Variants in ZNF420 observed in about 807,000 individuals in gnomAD.
ZNF420 encodes ATM and p53-associated KZNF protein.
In ZNF420, 31 loss-of-function variants were observed where a neutral mutation model predicts 44.7. The observed-to-expected ratio is 0.69, with a 90% confidence interval of 0.52 to 0.94. The LOEUF (loss-of-function observed/expected upper bound fraction) is 0.94. Ranked by LOEUF, ZNF420 falls within the 40% of genes least tolerant of loss-of-function variation. The probability of loss-of-function intolerance (pLI) is 0.00; values close to 1 mark genes in which losing one functional copy is unlikely to be tolerated. For missense variants in ZNF420, 681 were observed against 827.9 expected, an observed-to-expected ratio of 0.82 and a Z score of 2.18; for synonymous variants, 245 against 267.4, an observed-to-expected ratio of 0.92 and a Z score of 0.82.
upstream of ZNF420, among the ~76,000 whole-genome samples, chr19:37,074,564 T>G (rs1050388238): frequency 1.3e-5 from 2 of 152,192 alleles, no homozygotes; most frequent in African/African-American, 4.8e-5. Flanking sequence ...AGGATGGATA[T>G]TTTAAATACA....
rs564612540 is a variant in ZNF420 at position 37,056,566 on chromosome 19, G to A, written c.-124-23779G>A. ...CTTTGGGAAGCAGGACAGGCCACTG[G>A]TCCTCCAAGGGAGGAGGGAGGCAGA... On this transcript the variant is annotated intron_variant, in intron 1 of 4. Transcript: ENST00000587029. Among the ~76,000 whole-genome samples, 5 of 152,290 alleles carry A rather than the reference G, an allele frequency of 3.3e-5. No homozygotes were observed. In the East Asian group the frequency reaches 9.7e-4, roughly 30 times the overall value.
At chr19:37,064,295 T>C (rs983891119) in intron 1 of ZNF420, among the ~76,000 whole-genome samples, 4 of 152,232 alleles carry the variant, frequency 2.6e-5, no homozygotes, top group African/African-American at 9.6e-5. Context: ...TTTCAATTTA[T>C]TAATTTATGT....
intron 1 of ZNF420, among the ~76,000 whole-genome samples, chr19:37,013,314 C>T (rs1456252799): frequency 1.3e-5 from 2 of 152,316 alleles, no homozygotes; most frequent in Non-Finnish European, 2.9e-5. Flanking sequence ...GCCTGTCGGC[C>T]TTGCCAATGT....
At chr19:37,061,138 C>T (rs1967872667) in intron 1 of ZNF420, among the ~76,000 whole-genome samples, 2 of 152,176 alleles carry the variant, frequency 1.3e-5, no homozygotes, top group South Asian at 4.1e-4. Context: ...GTTTCGCCAT[C>T]GCCCCGTATG....
At chr19:37,115,538 G>A (rs184898130) in intron 4 of ZNF420, among the ~76,000 whole-genome samples, 79 of 152,014 alleles carry the variant, frequency 5.2e-4, no homozygotes, top group African/African-American at 1.7e-3. Context: ...CAAACATCTC[G>A]GTGCATTAAA....
intron 1 of ZNF420, among the ~76,000 whole-genome samples, chr19:37,018,915 TC>T (rs2074626795): frequency 6.6e-6 from 1 of 152,256 alleles, no homozygotes; most frequent in South Asian, 2.1e-4. Flanking sequence ...TTAAAATGGA[TC>T]CATAAACTAA....
chr19:37,035,560 AG>A (rs1967339808), intron 1 of ZNF420, among the ~76,000 whole-genome samples: 1 of 152,146 alleles, frequency 6.6e-6, no homozygotes, highest in Non-Finnish European at 1.5e-5. Context: ...TTTCATAACA[AG>A]ATGAAAACAA....
At chr19:37,107,208 C>T (rs1283773828) in intron 4 of ZNF420, 1 of 152,054 alleles carries the variant, frequency 6.6e-6, no homozygotes, top group Non-Finnish European at 1.5e-5. Context: ...GGGGGACAGT[C>T]AGGTCTTACC....
intron 1 of ZNF420, among the ~76,000 whole-genome samples, chr19:37,061,493 G>A (rs759151488): frequency 2.6e-5 from 4 of 152,066 alleles, no homozygotes; most frequent in African/African-American, 7.2e-5. Flanking sequence ...GATGCTATGC[G>A]GAACAGGATA....
intron 1 of ZNF420, among the ~76,000 whole-genome samples, chr19:37,079,802 C>T (rs11672848): frequency 0.5 from 76,371 of 151,706 alleles, 19,891 homozygotes; most frequent in African/African-American, 0.58. Context: ...GGTGGATTAC[C>T]TGAGGTCATG....
chr19:37,116,433 G>A (rs907268788), intron 4 of ZNF420, among the ~76,000 whole-genome samples: 1 of 150,262 alleles, frequency 6.7e-6, no homozygotes, highest in East Asian at 1.9e-4. Flanking sequence ...TGACATAACC[G>A]ATCATTCCTT....
At chr19:37,048,288 G>A (rs1967576006) in intron 1 of ZNF420, among the ~76,000 whole-genome samples, 1 of 152,040 alleles carries the variant, frequency 6.6e-6, no homozygotes, top group African/African-American at 2.4e-5. Flanking sequence ...AACAATATTT[G>A]TTTCTTAAAC....
chr19:37,084,531 A>G (rs946748332), intron 2 of ZNF420, among the ~76,000 whole-genome samples: 1 of 152,056 alleles, frequency 6.6e-6, no homozygotes, highest in Non-Finnish European at 1.5e-5. Flanking sequence ...TATTATGGTT[A>G]TTTGGCCTCA....
At chr19:37,055,004 G>C (rs997038023) in intron 1 of ZNF420, among the ~76,000 whole-genome samples, 2 of 151,948 alleles carry the variant, frequency 1.3e-5, no homozygotes, top group African/African-American at 4.8e-5. Context: ...CCTGTGTCCA[G>C]GAACAAAAAG....
intron 1 of ZNF420, among the ~76,000 whole-genome samples, chr19:37,064,013 A>G (rs908959779): frequency 2.0e-5 from 3 of 152,044 alleles, no homozygotes; most frequent in Non-Finnish European, 4.4e-5. Flanking sequence ...ATTTCCTTCC[A>G]ATTTGGTTTT....
At chr19:37,109,823 A>G (rs1970288666) in intron 4 of ZNF420, 1 of 152,056 alleles carries the variant, frequency 6.6e-6, no homozygotes, top group Admixed American at 6.6e-5. Flanking sequence ...TTTACCAGTA[A>G]GATGTTGTTC....
chr19:37,067,196 A>G (rs948426201), intron 1 of ZNF420, among the ~76,000 whole-genome samples: 3 of 152,144 alleles, frequency 2.0e-5, no homozygotes, highest in African/African-American at 7.2e-5. Context: ...GGGTGATGGT[A>G]TTTTTCTTCA....
At chr19:37,042,921 T>A (rs547630684) in intron 1 of ZNF420, among the ~76,000 whole-genome samples, 16 of 152,204 alleles carry the variant, frequency 1.1e-4, no homozygotes, top group Admixed American at 2.0e-4. Flanking sequence ...TTCATTGACA[T>A]AATTTTAATA....
chr19:37,052,386 G>A (rs1173892115), intron 1 of ZNF420, among the ~76,000 whole-genome samples: 1 of 151,936 alleles, frequency 6.6e-6, no homozygotes, highest in African/African-American at 2.4e-5. Flanking sequence ...TGTTATGGGT[G>A]AATTTGATCC....
Sources: allele counts gnomAD v4.1 joint callset (sites outside exome capture counted in the v4.1 genomes callset), GRCh38; gene constraint gnomAD v4.1.1; transcripts MANE v1.5; gene names NCBI Gene and HGNC (gene_info 2026-07-23, HGNC 2026-07-21).